Variants in ACTN2 observed in about 807,000 individuals in gnomAD.
ACTN2 encodes the protein alpha-actinin-2.
A neutral mutation model predicts 113.8 loss-of-function variants in ACTN2; 39 were observed. That is an observed-to-expected ratio of 0.34 (90% confidence interval 0.27 to 0.45). The LOEUF is 0.45. Among genes scored for constraint, ACTN2 ranks in the 20% least tolerant of loss-of-function variants. ACTN2 has a pLI of 1.00. For synonymous variants in ACTN2, 429 were observed against 444.1 expected, an observed-to-expected ratio of 0.97 and a Z score of 0.43; for missense variants, 992 against 1,177.9, an observed-to-expected ratio of 0.84 and a Z score of 2.31.
intron 1 of ACTN2, among the ~76,000 whole-genome samples, chr1:236,693,456 A>G (rs1657356914): frequency 2.0e-5 from 3 of 152,198 alleles, no homozygotes; most frequent in Non-Finnish European, 2.9e-5. Flanking sequence ...TGCTTCAGCC[A>G]GGCTGGTGTA....
At chr1:236,757,386 A>T in intron 17 of ACTN2, 100 bp from the exon 18 acceptor site, 1 of 1,457,666 alleles carries the variant, frequency 6.9e-7, no homozygotes, top group Non-Finnish European at 9.6e-7. Context: ...AGCCCTGCTT[A>T]GTAAGCCCTT....
Position 236,754,226 on chromosome 1 carries a change from C to G in ACTN2, c.1974+145C>G. On this transcript the variant is annotated intron_variant, in intron 16 of 20. Coordinates refer to ENST00000366578, the MANE Select transcript of ACTN2 (RefSeq NM_001103.4). The surrounding 1 kb of genome is among the most constrained non-coding windows in gnomAD (Gnocchi z 4.9). ...CGTTCTGTTATCACCCCGGCTTTAT[C>G]TTTCAGCCCCTGGCTGTTGGGGACA... The G allele has an allele frequency of 9.0e-7, 1 of 1,115,442 alleles. No individual in the cohort carries two copies. The highest frequency in any genetic ancestry group is 1.3e-6 in the Non-Finnish European group (1 of 763,804). 69.1% of individuals were successfully genotyped at this position (1,115,442 alleles called of 1,614,324 possible). A position where few individuals can be genotyped will look rare whatever the true frequency, so the allele number is the denominator to read the frequency against.
At chr1:236,709,271 C>CACACACAT (rs1657938831) in intron 1 of ACTN2, among the ~76,000 whole-genome samples, 3 of 119,046 alleles carry the variant, frequency 2.5e-5, no homozygotes, top group Non-Finnish European at 5.1e-5. Context: ...CACACACACA[C>CACACACAT]ATATATATGT....
chr1:236,743,822 C>A (rs1659145441), intron 11 of ACTN2, among the ~76,000 whole-genome samples: 1 of 152,200 alleles, frequency 6.6e-6, no homozygotes, highest in Non-Finnish European at 1.5e-5. Context: ...CGGATGAATT[C>A]TTAATCTAGC....
chr1:236,716,769 C>G (rs1297522197), intron 1 of ACTN2, among the ~76,000 whole-genome samples: 1 of 151,108 alleles, frequency 6.6e-6, no homozygotes, highest in Non-Finnish European at 1.5e-5. Context: ...GGTTATGGGT[C>G]CCTTCTCTCT....
At chr1:236,752,574 CAG>C (rs1264307863) in intron 15 of ACTN2, among the ~76,000 whole-genome samples, 7 of 151,978 alleles carry the variant, frequency 4.6e-5, no homozygotes, top group Non-Finnish European at 5.9e-5. Flanking sequence ...TTTTTTGAGA[CAG>C]AGTCTCACTC....
chr1:236,706,610 T>G (rs1253552791), intron 1 of ACTN2, among the ~76,000 whole-genome samples: 1 of 152,208 alleles, frequency 6.6e-6, no homozygotes, highest in Non-Finnish European at 1.5e-5. Context: ...TTCTCTTACC[T>G]TGTCTTTGGG....
At chr1:236,729,569 T>C (rs1282762297) in intron 6 of ACTN2, among the ~76,000 whole-genome samples, 2 of 152,116 alleles carry the variant, frequency 1.3e-5, no homozygotes, top group Non-Finnish European at 2.9e-5. Context: ...TTTTTAGTTA[T>C]CCCTTGCTTA....
chr1:236,691,236 C>T (rs1022224546), intron 1 of ACTN2, among the ~76,000 whole-genome samples: 2 of 151,832 alleles, frequency 1.3e-5, no homozygotes, highest in African/African-American at 4.8e-5. Flanking sequence ...AGCCACTGCA[C>T]CCAGCCTGGC....
intron 19 of ACTN2, among the ~76,000 whole-genome samples, 160 bp from the exon 20 acceptor site, chr1:236,760,855 C>A (rs1386040148): frequency 6.6e-6 from 1 of 152,198 alleles, no homozygotes; most frequent in African/African-American, 2.4e-5. Context: ...ACCTTAGTCA[C>A]CCTTAAGGGG....
intron 1 of ACTN2, among the ~76,000 whole-genome samples, chr1:236,700,427 C>G (rs181990697): frequency 6.6e-6 from 1 of 152,140 alleles, no homozygotes; most frequent in Admixed American, 6.5e-5. Context: ...TCAGGCTCAG[C>G]GGAAGATGGG....
intron 1 of ACTN2, among the ~76,000 whole-genome samples, chr1:236,696,711 G>C (rs1045093426): frequency 4.0e-5 from 6 of 149,028 alleles, no homozygotes; most frequent in African/African-American, 1.2e-4. Context: ...CTGTCGCCAG[G>C]CTGGAGTGCA....
rs1773444 is a variant in ACTN2 at position 236,719,861 on chromosome 1, A to G, written c.362-244A>G. Among the ~76,000 whole-genome samples the G allele has an allele frequency of 0.91, 138,242 of 152,064 alleles. 63,859 individuals carry two copies. Among genetic ancestry groups the G allele is most frequent in the Non-Finnish European group, 1 (67,695 of 68,028 alleles). On this transcript the variant is annotated intron_variant, in intron 3 of 20. Transcript: ENST00000366578. ...CTTTGGAAACTCCCGGGTGGTTTTC[A>G]CTGATAATACATATGCAAGATTTGT...
intron 5 of ACTN2, among the ~76,000 whole-genome samples, chr1:236,726,829 TG>T (rs1316352839): frequency 6.6e-6 from 1 of 152,220 alleles, no homozygotes; most frequent in Non-Finnish European, 1.5e-5. Context: ...CCATGCTGTT[TG>T]GCAGATGAGA....
chr1:236,707,238 CA>C (rs1657852009), intron 1 of ACTN2, among the ~76,000 whole-genome samples: 4 of 152,192 alleles, frequency 2.6e-5, no homozygotes, highest in Admixed American at 1.3e-4. Flanking sequence ...CTTTGCTCTC[CA>C]GCAGGGGTAT....
chr1:236,725,509 C>G (rs1333151382), intron 4 of ACTN2, among the ~76,000 whole-genome samples: 2 of 152,058 alleles, frequency 1.3e-5, no homozygotes, highest in East Asian at 3.9e-4. Context: ...CACCTGTAGT[C>G]CCAGCTACTC....
rs747534491 is a variant in ACTN2 at position 236,744,683 on chromosome 1, G to A, written c.1313G>A (p.Arg438Gln). ...GAGTCGGCGTCGCTGACAGAGGTGC[G>A]GGCTCTGCTGCGGAAGCACGAGGCG... ...DYESASLTEV[R>Q]ALLRKHEAFE... is the part of the protein sequence containing the mutation. Residue 438 changes from arginine to glutamine, a missense_variant, in exon 12 of 21, where the codon CGG becomes CAG. Around this residue, in one of 3 missense-constraint regions of ACTN2, gnomAD observed 736 missense variants for 815.4 expected, o/e 0.90. Transcript: ENST00000366578. The A allele has an allele frequency of 9.9e-6, 16 of 1,614,202 alleles. No individual in the cohort carries two copies. Among genetic ancestry groups the A allele is most frequent in the Admixed American group, 8.3e-5 (5 of 60,026 alleles).
intron 2 of ACTN2, 127 bp from the exon 3 acceptor site, chr1:236,718,767 A>G: frequency 7.6e-7 from 1 of 1,315,522 alleles, no homozygotes; most frequent in South Asian, 1.2e-5. Context: ...GAGACCAGGC[A>G]CACATCAGAA....
chr1:236,721,920 T>C (rs1658408071), intron 4 of ACTN2, among the ~76,000 whole-genome samples: 1 of 152,150 alleles, frequency 6.6e-6, no homozygotes. Flanking sequence ...TATTATCCAT[T>C]AGAGTTTTCC....
Sources: allele counts gnomAD v4.1 joint callset (sites outside exome capture counted in the v4.1 genomes callset), GRCh38; gene constraint gnomAD v4.1.1; regional missense constraint gnomAD v4.1.1; non-coding constraint Gnocchi (gnomAD v3.1); transcripts MANE v1.5; gene names NCBI Gene and HGNC (gene_info 2026-07-23, HGNC 2026-07-21).